IGFBP2: variants seen among roughly 807,000 people sequenced by gnomAD.
IGFBP2 encodes the protein insulin-like growth factor-binding protein 2.
Under a neutral mutation model 26.2 loss-of-function variants are expected in IGFBP2, and 12 were observed. The observed-to-expected ratio is 0.46, with a 90% CI of 0.29 to 0.74. The LOEUF is 0.74. Among genes scored for constraint, IGFBP2 ranks in the 30% least tolerant of loss-of-function variants. The pLI, the probability that IGFBP2 is intolerant of heterozygous loss-of-function variation, is 0.09. For missense variants in IGFBP2, 328 were observed against 441.2 expected (o/e 0.74, Z 2.30); for synonymous variants, 189 against 200.6 (o/e 0.94, Z 0.49).
At position 216,647,802 on chromosome 2, in the gene IGFBP2, G is replaced by A. The variant is rs199722613; in HGVS notation, c.443-12755G>A. ...CCCAAAGTGCTGGGATTACAGGGGT[G>A]AGCCACTGCGCCCGGCCCTTATTTA... is the stretch of plus-strand genomic sequence containing the variant. On this transcript the variant is annotated intron_variant, in intron 1 of 3. Transcript: ENST00000233809. 5.3e-5 allele frequency among the ~76,000 whole-genome samples: 8 copies of A among 152,196 alleles called. No individual in the cohort carries two copies. In the East Asian group the frequency reaches 7.7e-4, roughly 15 times the overall value.
At chr2:216,642,401 G>A (rs1340665319) in intron 1 of IGFBP2, among the ~76,000 whole-genome samples, 1 of 151,476 alleles carries the variant, frequency 6.6e-6, no homozygotes, top group Non-Finnish European at 1.5e-5. Flanking sequence ...CGCCTCCTGG[G>A]GTTGATGCCA....
intron 1 of IGFBP2, among the ~76,000 whole-genome samples, chr2:216,636,766 C>T (rs958142763): frequency 6.6e-6 from 1 of 152,182 alleles, no homozygotes; most frequent in Non-Finnish European, 1.5e-5. Context: ...CCGGTTCCTT[C>T]AGTATCTCCC....
chr2:216,653,080 T>A (rs1697858140), intron 1 of IGFBP2, among the ~76,000 whole-genome samples: 1 of 152,208 alleles, frequency 6.6e-6, no homozygotes, highest in East Asian at 1.9e-4. Flanking sequence ...ATGTGATTGT[T>A]CTAGGTAGGG....
chr2:216,654,458 G>A (rs9341181), intron 1 of IGFBP2, among the ~76,000 whole-genome samples: 8 of 152,226 alleles, frequency 5.3e-5, no homozygotes, highest in African/African-American at 1.9e-4. Flanking sequence ...GTGCTGCACA[G>A]CTCAGTAGTA....
At chr2:216,650,775 A>T (rs1279004455) in intron 1 of IGFBP2, among the ~76,000 whole-genome samples, 1 of 152,208 alleles carries the variant, frequency 6.6e-6, no homozygotes, top group Non-Finnish European at 1.5e-5. Flanking sequence ...ATTTACTACC[A>T]CAAAGGAAAC....
intron 1 of IGFBP2, among the ~76,000 whole-genome samples, chr2:216,643,019 C>T (rs1403283048): frequency 6.6e-6 from 1 of 152,154 alleles, no homozygotes; most frequent in Non-Finnish European, 1.5e-5. Flanking sequence ...GGTCCTAGCA[C>T]ATTTAGCACA....
intron 1 of IGFBP2, among the ~76,000 whole-genome samples, chr2:216,640,926 G>T (rs564805272): frequency 2.0e-5 from 3 of 152,172 alleles, no homozygotes; most frequent in Non-Finnish European, 4.4e-5. Flanking sequence ...AGTCAAGAGG[G>T]ACAAGAAGGT....
intron 1 of IGFBP2, among the ~76,000 whole-genome samples, chr2:216,656,570 G>T (rs1697927694): frequency 6.6e-6 from 1 of 152,168 alleles, no homozygotes; most frequent in African/African-American, 2.4e-5. Flanking sequence ...ACCTGGGGAG[G>T]GTGCTACTGG....
intron 2 of IGFBP2, 135 bp from the exon 3 acceptor site, chr2:216,661,723 G>T: frequency 9.8e-7 from 1 of 1,016,688 alleles, no homozygotes; most frequent in Non-Finnish European, 1.5e-6. Flanking sequence ...AGAAGTCCCT[G>T]TGCCCCCTGC....
chr2:216,648,860 G>T (rs1319124726), intron 1 of IGFBP2, among the ~76,000 whole-genome samples: 2 of 152,102 alleles, frequency 1.3e-5, no homozygotes, highest in African/African-American at 2.4e-5. Flanking sequence ...ACCTGTCTTG[G>T]CCTCCCAAAG....
rs373045506 is a variant in IGFBP2 at position 216,638,047 on chromosome 2, G to T, written c.442+4082G>T. On this transcript the variant is annotated intron_variant, in intron 1 of 3. Coordinates refer to ENST00000233809, the MANE Select transcript of IGFBP2 (RefSeq NM_000597.3). The stretch of plus-strand genomic sequence containing the variant: ...TGCTACAAATACAAAAATTAGCTGG[G>T]CATGGTGGAGCATGCCTGTAGTCCC... Among the ~76,000 whole-genome samples the T allele has an allele frequency of 3.9e-5, 6 of 152,234 alleles. No individual in the cohort carries two copies. The South Asian group carries it at 6.2e-4, about 16-fold the overall frequency.
intron 3 of IGFBP2, chr2:216,663,283 A>C (rs1469263324): frequency 1.3e-5 from 2 of 152,192 alleles, no homozygotes; most frequent in Non-Finnish European, 1.5e-5. Flanking sequence ...AACTAAAGTG[A>C]TTTGCAGGAG....
At chr2:216,651,241 C>T (rs1697818087) in intron 1 of IGFBP2, among the ~76,000 whole-genome samples, 3 of 152,172 alleles carry the variant, frequency 2.0e-5, no homozygotes, top group South Asian at 2.1e-4. Context: ...CCCTCCCTCC[C>T]ACCAGCATGG....
At chr2:216,660,339 G>C (rs894385257) in intron 1 of IGFBP2, among the ~76,000 whole-genome samples, 12 of 152,178 alleles carry the variant, frequency 7.9e-5, no homozygotes, top group African/African-American at 2.7e-4. Context: ...ATCTCTGAAA[G>C]TTGGGGAGGG....
Position 216,637,466 on chromosome 2 carries a change from C to T in IGFBP2, c.442+3501C>T, listed in dbSNP as rs576932474. Among the ~76,000 whole-genome samples, 11 of 152,378 alleles carry T rather than the reference C, an allele frequency of 7.2e-5. No homozygotes were observed. In the East Asian group the frequency reaches 2.1e-3, roughly 29 times the overall value. On this transcript the variant is annotated intron_variant, in intron 1 of 3. Transcript: ENST00000233809. ...CATGGTGGGCTGCAGTTTGAGGAAGCTGCAGAATCCGGGTCTTCTTTGTTT... is the reference window on the plus strand; with the variant it reads ...CATGGTGGGCTGCAGTTTGAGGAAGTTGCAGAATCCGGGTCTTCTTTGTTT...
chr2:216,648,081 ATTTGT>A (rs1697751296), intron 1 of IGFBP2, among the ~76,000 whole-genome samples: 1 of 152,088 alleles, frequency 6.6e-6, no homozygotes, highest in Non-Finnish European at 1.5e-5. Context: ...AATTTATCAG[ATTTGT>A]TTTGTTCTTT....
intron 1 of IGFBP2, among the ~76,000 whole-genome samples, chr2:216,643,963 C>T (rs1697663361): frequency 1.3e-5 from 2 of 152,038 alleles, no homozygotes. Flanking sequence ...AATGGACCAT[C>T]TCCCTATGCC....
intron 1 of IGFBP2, among the ~76,000 whole-genome samples, chr2:216,636,282 CT>C (rs1697494318): frequency 1.3e-5 from 2 of 152,210 alleles, no homozygotes; most frequent in African/African-American, 4.8e-5. Context: ...AGCACCCCCC[CT>C]CCAGCCTGCA....
At chr2:216,640,757 G>C (rs1697596396) in intron 1 of IGFBP2, among the ~76,000 whole-genome samples, 1 of 152,216 alleles carries the variant, frequency 6.6e-6, no homozygotes, top group South Asian at 2.1e-4. Context: ...GTATCAACCA[G>C]CAGTTTTGTT....
Sources: allele counts gnomAD v4.1 joint callset (sites outside exome capture counted in the v4.1 genomes callset), GRCh38; gene constraint gnomAD v4.1.1; transcripts MANE v1.5; gene names NCBI Gene and HGNC (gene_info 2026-07-23, HGNC 2026-07-21).